Variants in SLF1 observed in about 807,000 individuals in gnomAD.
SLF1 encodes the protein SMC5/6 complex localization factor 1, also known as SMC5-SMC6 complex localization factor protein 1.
In SLF1, 105 loss-of-function variants were observed where a neutral mutation model predicts 123.0. That is an observed-to-expected ratio of 0.85 (90% CI 0.73 to 1.00). The LOEUF (loss-of-function observed/expected upper bound fraction) is 1.00, where lower values mean the gene tolerates loss of function less well. Among genes scored for constraint, SLF1 ranks in the 50% least tolerant of loss-of-function variants. The pLI is 0.00. For synonymous variants in SLF1, 434 were observed against 406.6 expected, an observed-to-expected ratio of 1.07 and a Z score of -0.81; for missense variants, 1,239 against 1,223.0, an observed-to-expected ratio of 1.01 and a Z score of -0.20.
chr5:94,647,954 A>G (rs938951378), intron 5 of SLF1, among the ~76,000 whole-genome samples: 6 of 152,192 alleles, frequency 3.9e-5, no homozygotes, highest in African/African-American at 9.7e-5. Flanking sequence ...AAATATATTC[A>G]GGATTAGGAA....
At chr5:94,651,578 C>A in intron 6 of SLF1, 124 bp from the exon 7 acceptor site, 2 of 644,544 alleles carry the variant, frequency 3.1e-6, no homozygotes, top group Non-Finnish European at 4.9e-6. Context: ...CTCTATTTAA[C>A]CTTGTATGTA....
At chr5:94,668,140 CCTTTT>C (rs964523635) in intron 12 of SLF1, among the ~76,000 whole-genome samples, 2 of 151,914 alleles carry the variant, frequency 1.3e-5, no homozygotes, top group African/African-American at 2.4e-5. Context: ...TTCCCTTTTC[CCTTTT>C]CTTTTCTCTT....
chr5:94,627,071 T>C (rs934817575), intron 1 of SLF1, among the ~76,000 whole-genome samples: 3 of 152,230 alleles, frequency 2.0e-5, no homozygotes, highest in African/African-American at 7.2e-5. Context: ...TACATTTACA[T>C]GTCTTTAAAA....
intron 13 of SLF1, among the ~76,000 whole-genome samples, 198 bp downstream of exon 13, chr5:94,670,477 A>C (rs1309315217): frequency 6.6e-6 from 1 of 151,680 alleles, no homozygotes; most frequent in Admixed American, 6.6e-5. Context: ...AAATTTCCTC[A>C]GTTCACTTCC....
At chr5:94,644,187 A>G (rs982727430) in intron 5 of SLF1, among the ~76,000 whole-genome samples, 1 of 152,112 alleles carries the variant, frequency 6.6e-6, no homozygotes, top group Non-Finnish European at 1.5e-5. Flanking sequence ...CTTCTGTACT[A>G]ACATCATACT....
intron 9 of SLF1, among the ~76,000 whole-genome samples, chr5:94,655,614 G>T (rs12659597): frequency 2.0e-5 from 3 of 151,730 alleles, no homozygotes; most frequent in Non-Finnish European, 4.4e-5. Context: ...TGTCCATGTC[G>T]ATTTCTTTCA....
intron 4 of SLF1, among the ~76,000 whole-genome samples, chr5:94,641,145 G>T (rs1479238676): frequency 6.6e-6 from 1 of 152,142 alleles, no homozygotes; most frequent in Non-Finnish European, 1.5e-5. Flanking sequence ...CTTGTCAGTT[G>T]TTGAGCTAGT....
At position 94,645,848 on chromosome 5, in the gene SLF1, A is replaced by C. The variant is rs1746967666; in HGVS notation, c.594+2413A>C. Among the ~76,000 whole-genome samples the C allele has an allele frequency of 2.6e-5, 4 of 152,222 alleles. No individual in the cohort carries two copies. The South Asian group carries it at 8.3e-4, about 31-fold the overall frequency. The stretch of plus-strand genomic sequence containing the variant: ...CTGATCACAGAAGAAGAGACATTAG[A>C]AAGTTAACTGTATTTCAGTGTCTTG... On this transcript the variant is annotated intron_variant, in intron 5 of 20. Coordinates refer to ENST00000265140, the MANE Select transcript of SLF1 (RefSeq NM_032290.4).
chr5:94,691,852 G>A (rs1344119266), intron 19 of SLF1, among the ~76,000 whole-genome samples, 196 bp downstream of exon 19: 2 of 151,766 alleles, frequency 1.3e-5, no homozygotes, highest in Non-Finnish European at 2.9e-5. Flanking sequence ...ATTTTTTGGT[G>A]TCCATATTTT....
intron 18 of SLF1, among the ~76,000 whole-genome samples, chr5:94,690,478 T>G (rs1752948740): frequency 6.6e-6 from 1 of 152,190 alleles, no homozygotes; most frequent in African/African-American, 2.4e-5. Flanking sequence ...TTTTTCTTTG[T>G]TTTATTGTTT....
intron 9 of SLF1, among the ~76,000 whole-genome samples, chr5:94,658,351 C>T (rs1585167507): frequency 6.6e-6 from 1 of 151,518 alleles, no homozygotes; most frequent in East Asian, 1.9e-4. Context: ...TTTTGCTTGT[C>T]CAGGAAATAC....
chr5:94,623,776 C>G (rs1198208865), intron 1 of SLF1, among the ~76,000 whole-genome samples: 1 of 151,984 alleles, frequency 6.6e-6, no homozygotes, highest in Admixed American at 6.6e-5. Context: ...TCTTTTTGGC[C>G]TCATTAACAT....
Position 94,694,646 on chromosome 5 carries a change from C to T in SLF1, c.2696-185C>T, listed in dbSNP as rs554218734. Reference sequence around the variant, plus strand: ...TGGGGAAACCTTATTAGGTAATTGACTAGAATTTTTTTAATGTACCTTTAT... The same window carrying T: ...TGGGGAAACCTTATTAGGTAATTGATTAGAATTTTTTTAATGTACCTTTAT... On this transcript the variant is annotated intron_variant, in intron 20 of 20. Transcript: ENST00000265140. Among the ~76,000 whole-genome samples, 56 of 151,704 alleles carry T rather than the reference C, an allele frequency of 3.7e-4. 1 individual carries two copies. Among genetic ancestry groups the T allele is most frequent in the African/African-American group, 1.3e-3 (55 of 41,402 alleles).
Position 94,654,619 on chromosome 5 carries a change from G to T in SLF1, c.1033-11G>T. On this transcript the variant is annotated splice_polypyrimidine_tract_variant and intron_variant, in intron 8 of 20. Transcript: ENST00000265140. ...ACATTTTCTAAAGTCATTTTACTTTGCTATATGCAGAAAGAAATGAAGAAT... is the reference window on the plus strand; with the variant it reads ...ACATTTTCTAAAGTCATTTTACTTTTCTATATGCAGAAAGAAATGAAGAAT... The T allele has an allele frequency of 6.5e-7, 1 of 1,527,544 alleles. No individual in the cohort carries two copies. Among genetic ancestry groups the T allele is most frequent in the Non-Finnish European group, 8.8e-7 (1 of 1,135,242 alleles). 94.6% of individuals were successfully genotyped at this position (1,527,544 alleles called of 1,614,324 possible). A position where few individuals can be genotyped will look rare whatever the true frequency, so the allele number is the denominator to read the frequency against.
At chr5:94,655,479 C>T (rs1433870452) in intron 9 of SLF1, among the ~76,000 whole-genome samples, 1 of 152,028 alleles carries the variant, frequency 6.6e-6, no homozygotes, top group Non-Finnish European at 1.5e-5. Context: ...TTTCCTGTTT[C>T]ACAGAAGAAT....
chr5:94,662,479 A>G, intron 10 of SLF1, 128 bp downstream of exon 10: 1 of 674,056 alleles, frequency 1.5e-6, no homozygotes, highest in South Asian at 4.5e-5. Flanking sequence ...TGCACAAATA[A>G]AGAAATATAG....
At chr5:94,641,547 C>T (rs1746449298) in intron 4 of SLF1, among the ~76,000 whole-genome samples, 1 of 152,172 alleles carries the variant, frequency 6.6e-6, no homozygotes, top group Non-Finnish European at 1.5e-5. Context: ...CAGCAGTGGG[C>T]TCCAGTTTCT....
Position 94,643,452 on chromosome 5 carries a change from G to A in SLF1, c.594+17G>A. The A allele has an allele frequency of 1.5e-6, 2 of 1,375,032 alleles. No homozygotes were observed. Among genetic ancestry groups the A allele is most frequent in the African/African-American group, 3.0e-5 (2 of 66,984 alleles). 85.2% of individuals were successfully genotyped at this position (1,375,032 alleles called of 1,614,324 possible). A position where few individuals can be genotyped will look rare whatever the true frequency, so the allele number is the denominator to read the frequency against. ...CTTTTAGAGGTAAGTAAAATAAATA[G>A]TAAACATTTTATTTTGTTTCATGTG... On this transcript the variant is annotated intron_variant, in intron 5 of 20. Coordinates refer to ENST00000265140, the MANE Select transcript of SLF1 (RefSeq NM_032290.4).
chr5:94,677,504 T>C (rs1008622876), intron 14 of SLF1, among the ~76,000 whole-genome samples: 1 of 152,222 alleles, frequency 6.6e-6, no homozygotes, highest in African/African-American at 2.4e-5. Context: ...TTATGTTATT[T>C]AAGCATAATA....
Sources: gnomAD v4.1 joint callset for allele counts (sites outside exome capture counted in the v4.1 genomes callset) on GRCh38, gnomAD v4.1.1 for gene constraint, MANE v1.5 for transcripts, NCBI Gene and HGNC (gene_info 2026-07-23, HGNC 2026-07-21) for gene names.